Variants in ASCC3 observed in about 807,000 individuals in gnomAD.
The protein encoded by ASCC3 is activating signal cointegrator 1 complex subunit 3, also known as ASC-1 complex subunit P200.
Under a neutral mutation model 256.3 loss-of-function variants are expected in ASCC3, and 158 were observed. That is an observed-to-expected ratio of 0.62 (90% CI 0.54 to 0.70). The LOEUF is 0.70. ASCC3 is among the 30% of genes least tolerant of loss of function. The pLI is 0.00. For synonymous variants in ASCC3, 948 were observed against 883.4 expected (o/e 1.07, Z -1.30); for missense variants, 2,259 against 2,626.0 (o/e 0.86, Z 3.05).
intron 16 of ASCC3, among the ~76,000 whole-genome samples, 175 bp from the exon 17 acceptor site, chr6:100,655,993 C>T (rs1266518009): frequency 1.3e-5 from 2 of 151,668 alleles, no homozygotes; most frequent in East Asian, 1.9e-4. Context: ...ATCAGTCCTG[C>T]CTCATTTAAT....
chr6:100,766,179 T>A (rs1027483651), intron 10 of ASCC3, among the ~76,000 whole-genome samples: 2 of 152,218 alleles, frequency 1.3e-5, no homozygotes, highest in Non-Finnish European at 2.9e-5. Flanking sequence ...GCTTATTATA[T>A]GTTAAGCCAT....
intron 3 of ASCC3, chr6:100,858,696 C>T (rs775184454): frequency 2.9e-4 from 295 of 1,011,584 alleles, no homozygotes; most frequent in Non-Finnish European, 3.4e-4. Flanking sequence ...TTTGACAGTA[C>T]ATTTTAATCT....
chr6:100,633,456 G>A (rs1408508756), intron 25 of ASCC3, among the ~76,000 whole-genome samples: 1 of 151,940 alleles, frequency 6.6e-6, no homozygotes, highest in Non-Finnish European at 1.5e-5. Context: ...TGTTTCAAGT[G>A]AAAAGATGAA....
chr6:100,796,277 G>A (rs905177919), intron 8 of ASCC3, among the ~76,000 whole-genome samples: 1 of 152,114 alleles, frequency 6.6e-6, no homozygotes, highest in Non-Finnish European at 1.5e-5. Context: ...TCTAGAAAAC[G>A]GTTTGGTAGT....
chr6:100,655,280 T>C (rs764319110), intron 17 of ASCC3, among the ~76,000 whole-genome samples: 2 of 151,912 alleles, frequency 1.3e-5, no homozygotes, highest in Non-Finnish European at 3.0e-5. Flanking sequence ...CTTAATGGTA[T>C]ATTTAAATTT....
chr6:100,845,859 T>C (rs1291944229), intron 4 of ASCC3, among the ~76,000 whole-genome samples: 1 of 152,184 alleles, frequency 6.6e-6, no homozygotes, highest in African/African-American at 2.4e-5. Flanking sequence ...GTCAATTAAC[T>C]ATTCAGAGCT....
At chr6:100,812,539 C>T (rs1238034716) in intron 4 of ASCC3, among the ~76,000 whole-genome samples, 1 of 151,594 alleles carries the variant, frequency 6.6e-6, no homozygotes, top group Non-Finnish European at 1.5e-5. Context: ...ACAGTAACTG[C>T]AATTAAATAT....
intron 4 of ASCC3, among the ~76,000 whole-genome samples, chr6:100,826,555 T>C (rs1771321037): frequency 6.6e-6 from 1 of 152,222 alleles, no homozygotes; most frequent in Non-Finnish European, 1.5e-5. Context: ...CCATCATATC[T>C]GTAATACTAT....
At chr6:100,772,315 A>G (rs1781978486) in intron 8 of ASCC3, among the ~76,000 whole-genome samples, 1 of 152,218 alleles carries the variant, frequency 6.6e-6, no homozygotes, top group Non-Finnish European at 1.5e-5. Flanking sequence ...GCTCTACCCA[A>G]GAGAAAAAGA....
At chr6:100,549,793 T>C (rs1769196885) in intron 36 of ASCC3, among the ~76,000 whole-genome samples, 3 of 151,914 alleles carry the variant, frequency 2.0e-5, no homozygotes, top group African/African-American at 7.3e-5. Flanking sequence ...TGAATAATTA[T>C]TTTAAGTGAG....
At chr6:100,820,864 C>A (rs1771007167) in intron 4 of ASCC3, among the ~76,000 whole-genome samples, 1 of 152,040 alleles carries the variant, frequency 6.6e-6, no homozygotes, top group Admixed American at 6.6e-5. Flanking sequence ...TGACCAATAA[C>A]CAGGATGAAA....
intron 34 of ASCC3, among the ~76,000 whole-genome samples, chr6:100,597,809 G>GAAAAAAAAAAAA (rs369974362): frequency 2.5e-4 from 22 of 88,594 alleles, no homozygotes; most frequent in East Asian, 3.9e-4. Flanking sequence ...CGTCTCTACT[G>GAAAAAAAAAAAA]AAAAAAAAAA....
intron 8 of ASCC3, among the ~76,000 whole-genome samples, chr6:100,774,793 C>G (rs1365347391): frequency 6.6e-6 from 1 of 152,090 alleles, no homozygotes; most frequent in Non-Finnish European, 1.5e-5. Context: ...TGTGAGCTAC[C>G]ACACCTGGCC....
At chr6:100,846,142 G>T (rs1027580186) in intron 4 of ASCC3, among the ~76,000 whole-genome samples, 2 of 74,436 alleles carry the variant, frequency 2.7e-5, no homozygotes, top group Non-Finnish European at 6.0e-5. Context: ...AACACATAAG[G>T]TATAGCACGC....
At chr6:100,722,034 T>A (rs189149351) in intron 11 of ASCC3, among the ~76,000 whole-genome samples, 1 of 152,074 alleles carries the variant, frequency 6.6e-6, no homozygotes, top group Admixed American at 6.6e-5. Context: ...AAGGTCCATT[T>A]ACATTCTTCT....
rs371138112 is a variant in ASCC3 at position 100,700,387 on chromosome 6, G to A, written c.2151+15075C>T. ...GATACCCAGGCAGAAGTTTGCTATAGGGATGGGGTCCTCATCGAGAACCTT... is the reference window on the plus strand; with the variant it reads ...GATACCCAGGCAGAAGTTTGCTATAAGGATGGGGTCCTCATCGAGAACCTT... On this transcript the variant is annotated intron_variant, in intron 13 of 41. Transcript: ENST00000369162. 2.6e-5 allele frequency among the ~76,000 whole-genome samples: 4 copies of A among 152,290 alleles called. No homozygotes were observed. In the East Asian group the frequency reaches 5.8e-4, roughly 22 times the overall value.
chr6:100,771,278 T>C (rs1468785412), intron 8 of ASCC3, among the ~76,000 whole-genome samples: 1 of 152,030 alleles, frequency 6.6e-6, no homozygotes, highest in African/African-American at 2.4e-5. Context: ...AAAAATTAAC[T>C]CAAAATAAAT....
At chr6:100,637,178 A>G (rs1774884551) in intron 25 of ASCC3, among the ~76,000 whole-genome samples, 1 of 152,130 alleles carries the variant, frequency 6.6e-6, no homozygotes, top group South Asian at 2.1e-4. Context: ...GCAACTGGTG[A>G]CTTGAAGTTG....
At chr6:100,645,422 G>A (rs12212108) in intron 22 of ASCC3, among the ~76,000 whole-genome samples, 1 of 151,928 alleles carries the variant, frequency 6.6e-6, no homozygotes, top group African/African-American at 2.4e-5. Context: ...ACACTTTTAA[G>A]ACCAACGTAG....
Sources: gnomAD v4.1 joint callset for allele counts (sites outside exome capture counted in the v4.1 genomes callset) on GRCh38, gnomAD v4.1.1 for gene constraint, MANE v1.5 for transcripts, NCBI Gene and HGNC (gene_info 2026-07-23, HGNC 2026-07-21) for gene names.